TCHP: variants seen among roughly 807,000 people sequenced by gnomAD.
TCHP encodes trichoplein keratin filament-binding protein.
TCHP carries 81 observed loss-of-function variants against 88.7 expected under a neutral mutation model. That is an observed-to-expected ratio of 0.91 (90% CI 0.76 to 1.10). The LOEUF is 1.10. TCHP is among the 50% of genes least tolerant of loss of function. The pLI is 0.00. For synonymous variants in TCHP, 232 were observed against 232.5 expected, an observed-to-expected ratio of 1.00 and a Z score of 0.02; for missense variants, 641 against 632.1, an observed-to-expected ratio of 1.01 and a Z score of -0.15.
Position 109,904,025 on chromosome 12 carries a change from G to A in TCHP, c.277G>A (p.Glu93Lys), listed in dbSNP as rs200027650. 235 of 1,609,246 alleles carry A rather than the reference G, an allele frequency of 1.5e-4. 1 individual carries two copies. Among genetic ancestry groups the A allele is most frequent in the Middle Eastern group, 3.3e-4 (2 of 6,078 alleles). Residue 93 changes from glutamate to lysine, a missense_variant, in exon 3 of 13, where the codon GAG becomes AAG. By Grantham distance (56) the Glu-to-Lys change is moderately conservative (BLOSUM62 1). Transcript: ENST00000405876. ...GGAAAAGCTCAGGCAGCTCATGCAGGAGGAGCAGGACCTGCTGGCCAGAGA... is the reference window on the plus strand; with the variant it reads ...GGAAAAGCTCAGGCAGCTCATGCAGAAGGAGCAGGACCTGCTGGCCAGAGA... ...RREKLRQLMQ[E>K]EQDLLARELE...
At chr12:109,911,267 T>C in intron 9 of TCHP, 32 bp downstream of exon 9, 2 of 1,301,172 alleles carry the variant, frequency 1.5e-6, no homozygotes, top group Non-Finnish European at 2.1e-6. Context: ...GGCTGGATGC[T>C]CCTGGCCTCA....
intron 8 of TCHP, 128 bp downstream of exon 8, chr12:109,909,065 T>C: frequency 1.2e-6 from 1 of 853,776 alleles, no homozygotes; most frequent in Non-Finnish European, 1.9e-6. Flanking sequence ...AGGGGAGATG[T>C]TGGTCAAAGG....
At chr12:109,882,011 A>G in the TCHP span, among the ~76,000 whole-genome samples, 6 of 152,198 alleles carry the variant, frequency 3.9e-5, no homozygotes, top group African/African-American at 1.2e-4. Flanking sequence ...GGAGCTGACA[A>G]TCTGGTTGGG....
chr12:109,912,306 AC>A (rs1245170639), intron 9 of TCHP, among the ~76,000 whole-genome samples: 1 of 152,088 alleles, frequency 6.6e-6, no homozygotes, highest in Non-Finnish European at 1.5e-5. Context: ...AGACCCGGAG[AC>A]TTGAAGAGGT....
chr12:109,916,571 T>C lies in TCHP; in HGVS notation c.1465-20T>C, dbSNP rs12372049. Reference sequence around the variant, plus strand: ...GATACTGCTGATCTGATCACTCTTATGTTTTCTTTCTTTTCTCAGCCTTAC... The same window carrying C: ...GATACTGCTGATCTGATCACTCTTACGTTTTCTTTCTTTTCTCAGCCTTAC... On this transcript the variant is annotated intron_variant, in intron 12 of 12. Transcript: ENST00000405876. 4.0e-3 allele frequency: 6,507 copies of C among 1,612,194 alleles called. 17 individuals are homozygous for C. Among genetic ancestry groups the C allele is most frequent in the Non-Finnish European group, 5.1e-3 (5,983 of 1,179,122 alleles).
the TCHP span, among the ~76,000 whole-genome samples, chr12:109,884,888 GA>G: frequency 6.6e-6 from 1 of 152,204 alleles, no homozygotes; most frequent in Non-Finnish European, 1.5e-5. Flanking sequence ...ATCCATGCAG[GA>G]AATTCACCCT....
the TCHP span, among the ~76,000 whole-genome samples, chr12:109,891,212 G>A: frequency 6.6e-6 from 1 of 152,158 alleles, no homozygotes; most frequent in African/African-American, 2.4e-5. Context: ...AAAGACCAAA[G>A]TTCCTCACTG....
chr12:109,896,643 C>A (rs578213514), upstream of TCHP, among the ~76,000 whole-genome samples: 1 of 152,010 alleles, frequency 6.6e-6, no homozygotes, highest in Non-Finnish European at 1.5e-5. Flanking sequence ...TGATTGAGGC[C>A]GGGCATGGTG....
the TCHP span, among the ~76,000 whole-genome samples, chr12:109,890,301 A>C: frequency 3.7e-5 from 3 of 80,638 alleles, no homozygotes; most frequent in East Asian, 5.6e-4. Flanking sequence ...TCATCTCTAC[A>C]AAAAAAAAAA....
intron 8 of TCHP, among the ~76,000 whole-genome samples, chr12:109,909,318 T>G (rs1311932796): frequency 1.3e-5 from 2 of 152,228 alleles, no homozygotes; most frequent in East Asian, 3.8e-4. Context: ...TTTCAGTAAC[T>G]GTGTTACTTA....
chr12:109,895,071 G>C, the TCHP span, among the ~76,000 whole-genome samples: 1 of 152,118 alleles, frequency 6.6e-6, no homozygotes, highest in Non-Finnish European at 1.5e-5. Flanking sequence ...ACTATGTCAA[G>C]GGTTGACTGA....
the TCHP span, among the ~76,000 whole-genome samples, chr12:109,880,968 C>T: frequency 6.6e-6 from 1 of 152,190 alleles, no homozygotes. The surrounding 1 kb of genome is among the most constrained non-coding windows in gnomAD (Gnocchi z 5.1). Flanking sequence ...CCGACGAGGA[C>T]GCTCGATTGC....
the TCHP span, among the ~76,000 whole-genome samples, chr12:109,882,647 A>ATTTT: frequency 1.1e-4 from 9 of 80,200 alleles, no homozygotes; most frequent in Non-Finnish European, 1.3e-4. Flanking sequence ...AAGAGTTTGG[A>ATTTT]TTTTTTTTTT....
chr12:109,902,231 C>T (rs1395413141), intron 1 of TCHP, among the ~76,000 whole-genome samples: 1 of 152,018 alleles, frequency 6.6e-6, no homozygotes, highest in East Asian at 1.9e-4. Flanking sequence ...AGTGCAGTGG[C>T]GCTATCATGG....
chr12:109,915,579 G>C (rs200221958), intron 12 of TCHP, 33 bp downstream of exon 12: 1 of 1,584,904 alleles, frequency 6.3e-7, no homozygotes, highest in South Asian at 1.2e-5. Flanking sequence ...GGCCAACACC[G>C]GCAAGACAGA....
upstream of TCHP, among the ~76,000 whole-genome samples, chr12:109,896,217 C>T (rs927889961): frequency 6.6e-6 from 1 of 152,128 alleles, no homozygotes; most frequent in Non-Finnish European, 1.5e-5. Context: ...AGAGTGCTGG[C>T]ATTACAGGCG....
At chr12:109,909,358 C>A (rs1870352460) in intron 8 of TCHP, among the ~76,000 whole-genome samples, 1 of 152,138 alleles carries the variant, frequency 6.6e-6, no homozygotes, top group Admixed American at 6.5e-5. Context: ...GTGAGATCAC[C>A]CCCTTGACCA....
Position 109,904,012 on chromosome 12 carries a change from G to C in TCHP, c.264G>C (p.Arg88Ser). 1.2e-6 allele frequency: 2 copies of C among 1,610,448 alleles called. No individual in the cohort carries two copies. Among genetic ancestry groups the C allele is most frequent in the Non-Finnish European group, 1.7e-6 (2 of 1,178,426 alleles). ...TGGAGGCCCGACGGGAAAAGCTCAG[G>C]CAGCTCATGCAGGAGGAGCAGGACC... ...RSLEARREKL[R>S]QLMQEEQDLL... Residue 88 changes from arginine (R) to serine (S), a missense_variant, in exon 3 of 13, where the codon AGG (arginine) becomes AGC (serine). By Grantham distance (110) the Arg-to-Ser change is moderately radical (BLOSUM62 -1). Transcript: ENST00000405876.
the TCHP span, among the ~76,000 whole-genome samples, chr12:109,890,392 G>A: frequency 6.6e-6 from 1 of 151,844 alleles, no homozygotes; most frequent in Admixed American, 6.6e-5. Flanking sequence ...GATTGCTTAA[G>A]CCCAGGAGAT....
Sources: gnomAD v4.1 joint callset for allele counts (sites outside exome capture counted in the v4.1 genomes callset) on GRCh38, gnomAD v4.1.1 for gene constraint, Gnocchi (gnomAD v3.1) non-coding constraint, MANE v1.5 for transcripts, NCBI Gene and HGNC (gene_info 2026-07-23, HGNC 2026-07-21) for gene names.